The following DACH2 variants were observed in gnomAD, a reference collection of about 807,000 sequenced individuals.
DACH2 encodes the protein dachshund homolog 2.
DACH2 carries 17 observed loss-of-function variants against 35.8 expected under a neutral mutation model. That is an observed-to-expected ratio of 0.48 (90% CI 0.33 to 0.71). The LOEUF is 0.71. DACH2 is among the 30% of genes least tolerant of loss of function. DACH2 has a pLI of 0.02. For synonymous variants in DACH2, 195 were observed against 177.3 expected (o/e 1.10, Z -0.79); for missense variants, 469 against 472.7 (o/e 0.99, Z 0.07).
At position 86,611,957 on chromosome X, in the gene DACH2, C is replaced by CTGTG. The variant is rs140254063; in HGVS notation, c.641-39054_641-39051dup. Among the ~76,000 whole-genome samples the CTGTG allele has an allele frequency of 3.6e-3, 363 of 100,736 alleles. 1 individual carries two copies. The highest frequency in any genetic ancestry group is 0.011 in the African/African-American group (303 of 27,490). The allele number at this position is 100,736 out of a possible 115,157, so 87.5% of individuals were successfully genotyped here. On this transcript the variant is annotated intron_variant, in intron 3 of 11. Coordinates refer to ENST00000373125, the MANE Select transcript of DACH2 (RefSeq NM_053281.3). ...AAGACAGTTGTTGAAGTTGTTGTTC[C>CTGTG]TGTGTGTGTGTGTGTGTGTGTGTGT...
chrX:86,727,564 T>A (rs2041483930), intron 6 of DACH2, among the ~76,000 whole-genome samples: 1 of 111,160 alleles, frequency 9.0e-6, no homozygotes. Flanking sequence ...GGAAGGTGTT[T>A]GGATCATGAG....
At chrX:86,657,010 A>G (rs1234345050) in intron 4 of DACH2, among the ~76,000 whole-genome samples, 1 of 106,825 alleles carries the variant, frequency 9.4e-6, no homozygotes, top group African/African-American at 3.4e-5. Flanking sequence ...CAAACTTTGC[A>G]TATTCTCACT....
intron 6 of DACH2, among the ~76,000 whole-genome samples, chrX:86,725,650 G>A (rs1384202161): frequency 3.6e-5 from 4 of 111,157 alleles, no homozygotes; most frequent in Admixed American, 9.6e-5. Context: ...TAGCTTGTTC[G>A]GATGCTGGTA....
intron 7 of DACH2, among the ~76,000 whole-genome samples, chrX:86,754,316 T>G (rs1297119538): frequency 9.1e-6 from 1 of 109,608 alleles, no homozygotes; most frequent in East Asian, 2.9e-4. Flanking sequence ...CAGAAAAATA[T>G]GAGAGTTTAA....
In DACH2 at chrX:86,765,697, G is replaced by GTTTTTTTT. The variant is rs2041925172; in HGVS notation, c.1240+25815_1240+25816insTTTTTTTT. On this transcript the variant is annotated intron_variant, in intron 7 of 11. Coordinates refer to ENST00000373125, the MANE Select transcript of DACH2 (RefSeq NM_053281.3). ...CTGGTTTTTTTTGTTGTTGTTTTTTGGTTTTTTTTTTTTTTTTTTTTTTTT... is the reference window on the plus strand; with the variant it reads ...CTGGTTTTTTTTGTTGTTGTTTTTTGTTTTTTTTGTTTTTTTTTTTTTTTTTTTTTTTT... Among the ~76,000 whole-genome samples, 55 of 35,189 alleles carry GTTTTTTTT rather than the reference G, an allele frequency of 1.6e-3. 1 individual carries two copies. Among genetic ancestry groups the GTTTTTTTT allele is most frequent in the East Asian group, 4.0e-3 (4 of 1,008 alleles). The allele number at this position is 35,189 out of a possible 115,157, so 30.6% of individuals were successfully genotyped here.
At chrX:86,433,884 C>T (rs979427066) in intron 2 of DACH2, among the ~76,000 whole-genome samples, 3 of 111,180 alleles carry the variant, frequency 2.7e-5, no homozygotes, top group African/African-American at 9.8e-5. Flanking sequence ...CAGAGAAGGC[C>T]CAAGCAATGC....
chrX:86,164,886 C>CT (rs1457385868), intron 1 of DACH2, among the ~76,000 whole-genome samples: 1 of 110,745 alleles, frequency 9.0e-6, no homozygotes, highest in Non-Finnish European at 1.9e-5. Context: ...CGGCTTTGTT[C>CT]TTTTTACTTA....
rs758719854 is a variant in DACH2, at chrX:86,254,255, A to T, written c.488+105147A>T. Among the ~76,000 whole-genome samples, 3 of 111,939 alleles carry T rather than the reference A, an allele frequency of 2.7e-5. No individual in the cohort carries two copies. In the East Asian group the frequency reaches 8.5e-4, roughly 32 times the overall value. ...ATGTATTAAAGATCATCCTACAGAG[A>T]TGTAACAGTGTCACTTTAATATTCT... On this transcript the variant is annotated intron_variant, in intron 1 of 11. Transcript: ENST00000373125.
chrX:86,698,084 A>C (rs769891783), intron 5 of DACH2, among the ~76,000 whole-genome samples: 1 of 111,524 alleles, frequency 9.0e-6, no homozygotes, highest in African/African-American at 3.3e-5. Flanking sequence ...ACAGAGAAAA[A>C]AATTTATTTT....
chrX:86,594,581 G>T (rs982629818), intron 3 of DACH2, among the ~76,000 whole-genome samples: 10 of 110,341 alleles, frequency 9.1e-5, no homozygotes, highest in African/African-American at 3.0e-4. Flanking sequence ...TTCCATAAAC[G>T]TGTTATGTAG....
intron 3 of DACH2, among the ~76,000 whole-genome samples, chrX:86,529,977 GCACACACACA>G (rs34621582): frequency 1.2e-5 from 1 of 84,249 alleles, no homozygotes; most frequent in East Asian, 3.8e-4. Context: ...ACACACACAC[GCACACACACA>G]CACACACACA....
chrX:86,305,402 T>A (rs1369442748), intron 1 of DACH2, among the ~76,000 whole-genome samples: 2 of 111,855 alleles, frequency 1.8e-5, no homozygotes, highest in African/African-American at 6.5e-5. Context: ...TCATTAAAGT[T>A]CTTGCCTAGA....
Position 86,285,743 on chromosome X carries a change from T to C in DACH2, c.489-91081T>C, listed in dbSNP as rs1026400106. 5.4e-5 allele frequency among the ~76,000 whole-genome samples: 6 copies of C among 111,967 alleles called. 1 individual carries two copies. The Admixed American group carries it at 5.7e-4, about 11-fold the overall frequency. ...TTGTTGATATTCTGTCTGAAAGATC[T>C]GTCCAATGCTGAAAGTGGGGTATTG... On this transcript the variant is annotated intron_variant, in intron 1 of 11. Coordinates refer to ENST00000373125, the MANE Select transcript of DACH2 (RefSeq NM_053281.3).
chrX:86,572,712 C>T (rs976481945), intron 3 of DACH2, among the ~76,000 whole-genome samples: 4 of 111,521 alleles, frequency 3.6e-5, no homozygotes, highest in African/African-American at 1.3e-4. Flanking sequence ...TCTTAGTTCT[C>T]CTAAACCTGC....
At chrX:86,306,513 G>T (rs1167734366) in intron 1 of DACH2, among the ~76,000 whole-genome samples, 2 of 111,847 alleles carry the variant, frequency 1.8e-5, no homozygotes, top group Non-Finnish European at 3.8e-5. Flanking sequence ...TTGAGTCAGT[G>T]GGCTGGGGAA....
intron 1 of DACH2, among the ~76,000 whole-genome samples, chrX:86,286,482 C>T (rs1365919327): frequency 9.1e-5 from 10 of 110,416 alleles, no homozygotes; most frequent in African/African-American, 2.3e-4. Context: ...GGACTTACTC[C>T]GGCCATTTTG....
chrX:86,681,392 G>C (rs763561979), intron 4 of DACH2, among the ~76,000 whole-genome samples: 5 of 110,256 alleles, frequency 4.5e-5, no homozygotes, highest in Non-Finnish European at 7.6e-5. Flanking sequence ...ATCAGCCCGG[G>C]AAACAGTGAG....
chrX:86,318,044 G>T (rs1456219340), intron 1 of DACH2, among the ~76,000 whole-genome samples: 1 of 111,983 alleles, frequency 8.9e-6, no homozygotes, highest in East Asian at 2.8e-4. Flanking sequence ...AAAACGAAAT[G>T]GATTCTTATT....
chrX:86,377,499 G>A (rs758538298), intron 2 of DACH2, among the ~76,000 whole-genome samples: 103 of 110,849 alleles, frequency 9.3e-4, no homozygotes, highest in African/African-American at 3.0e-3. Context: ...ATAACATATT[G>A]TTCCAGGCCT....
Sources: allele counts gnomAD v4.1 joint callset (sites outside exome capture counted in the v4.1 genomes callset), GRCh38; gene constraint gnomAD v4.1.1; transcripts MANE v1.5; gene names NCBI Gene and HGNC (gene_info 2026-07-23, HGNC 2026-07-21).